Variants in ALG10B observed in about 807,000 individuals in gnomAD.
ALG10B encodes the protein dol-P-Glc:Glc(2)Man(9)GlcNAc(2)-PP-Dol alpha-1,2-glucosyltransferase B.
In ALG10B, 27 loss-of-function variants were observed where a neutral mutation model predicts 38.7. The observed-to-expected ratio is 0.70, with a 90% CI of 0.51 to 0.96. ALG10B has a LOEUF of 0.96. Among genes scored for constraint, ALG10B ranks in the 40% least tolerant of loss-of-function variants. The pLI, the probability that ALG10B is intolerant of heterozygous loss-of-function variation, is 0.00. For missense variants in ALG10B, 522 were observed against 542.7 expected, an observed-to-expected ratio of 0.96 and a Z score of 0.38; for synonymous variants, 177 against 193.3, an observed-to-expected ratio of 0.92 and a Z score of 0.70.
intron 2 of ALG10B, among the ~76,000 whole-genome samples, chr12:38,319,696 A>G (rs537616594): frequency 3.3e-5 from 5 of 152,230 alleles, no homozygotes; most frequent in Non-Finnish European, 7.3e-5. Flanking sequence ...TAAATACCAT[A>G]TGCATGTTTA....
At chr12:38,317,474 A>T (rs1177447914) in intron 1 of ALG10B, 2 of 197,008 alleles carry the variant, frequency 1.0e-5, no homozygotes, top group Non-Finnish European at 2.1e-5. Flanking sequence ...GGTGGACTGG[A>T]GGGATCTTCG....
chr12:38,326,784 T>A lies in ALG10B; in HGVS notation c.*5571T>A, dbSNP rs570742459. On this transcript the variant is annotated 3_prime_UTR_variant, in exon 3 of 3. Transcript: ENST00000308742. Reference sequence around the variant, plus strand: ...ACTTGTGTAACTGAGAAAATTATAATAAAAATAGAGATTGAGGACATATTT... The same window carrying A: ...ACTTGTGTAACTGAGAAAATTATAAAAAAAATAGAGATTGAGGACATATTT... 2.5e-3 allele frequency: 385 copies of A among 151,782 alleles called. 1 individual carries two copies. The highest frequency in any genetic ancestry group is 8.7e-3 in the African/African-American group (359 of 41,480). 9.4% of individuals were successfully genotyped at this position (151,782 alleles called of 1,614,324 possible).
chr12:38,316,961 T>C lies in ALG10B; in HGVS notation c.68T>C (p.Leu23Pro). The C allele has an allele frequency of 6.2e-7, 1 of 1,614,166 alleles. No individual in the cohort carries two copies. The highest frequency in any genetic ancestry group is 8.5e-7 in the Non-Finnish European group (1 of 1,180,026). ...LSCTFLVSCL[L>P]FSAFSRALRE... ...TGTACCTTTTTAGTGTCCTGCCTCCTCTTCTCCGCCTTCAGCCGGGCGCTG... is the reference window on the plus strand; with the variant it reads ...TGTACCTTTTTAGTGTCCTGCCTCCCCTTCTCCGCCTTCAGCCGGGCGCTG... The change falls in exon 1 of 3, where the codon CTC (leucine) becomes CCC (proline). Residue 23 changes from leucine (L) to proline (P), a missense_variant. Coordinates refer to ENST00000308742, the MANE Select transcript of ALG10B (RefSeq NM_001013620.4).
chr12:38,317,094 G>A (rs1945662713), intron 1 of ALG10B, 30 bp downstream of exon 1: 1 of 1,613,842 alleles, frequency 6.2e-7, no homozygotes, highest in African/African-American at 1.3e-5. Flanking sequence ...CCCACCCCAG[G>A]AGAGGCCTGA....
rs139511694 is a variant in ALG10B, at chr12:38,318,352, A to T, written c.263A>T (p.His88Leu). 9.3e-6 allele frequency: 15 copies of T among 1,614,166 alleles called. No individual in the cohort carries two copies. The highest frequency in any genetic ancestry group is 1.2e-5 in the Non-Finnish European group (14 of 1,180,002). Residue 88 changes from histidine to leucine, a missense_variant, in exon 2 of 3, where the codon CAT (histidine) becomes CTT (leucine). Physicochemically the swap from His to Leu is moderately conservative, Grantham distance 99. Coordinates refer to ENST00000308742, the MANE Select transcript of ALG10B (RefSeq NM_001013620.4). ...PAIWIFAWSEHVVCSIGMLRF... is the reference protein window; with the variant it reads ...PAIWIFAWSELVVCSIGMLRF... ...ATTTGGATCTTTGCATGGTCTGAACATGTTGTCTGCTCCATTGGGATGCTC... is the reference window on the plus strand; with the variant it reads ...ATTTGGATCTTTGCATGGTCTGAACTTGTTGTCTGCTCCATTGGGATGCTC...
rs1487965339 is a variant in ALG10B, at chr12:38,328,535, A to G, written c.*7322A>G. 1 of 151,392 alleles carries G rather than the reference A, an allele frequency of 6.6e-6. No homozygotes were observed. The highest frequency in any genetic ancestry group is 2.5e-5 in the African/African-American group (1 of 40,710). The allele number at this position is 151,392 out of a possible 1,614,324, so 9.4% of individuals were successfully genotyped here. A position where few individuals can be genotyped will look rare whatever the true frequency, so the allele number is the denominator to read the frequency against. ...GTGGAGATATTGTGCTACATTTCCA[A>G]GTGTTGTAGTTAAACTTTTATTAGT... is the stretch of plus-strand genomic sequence containing the variant. On this transcript the variant is annotated 3_prime_UTR_variant, in exon 3 of 3. Transcript: ENST00000308742.
rs7973952 is a variant in ALG10B, at chr12:38,327,853, G to A, written c.*6640G>A. On this transcript the variant is annotated 3_prime_UTR_variant, in exon 3 of 3. Coordinates refer to ENST00000308742, the MANE Select transcript of ALG10B (RefSeq NM_001013620.4). ...TTGTAAGATAAATGACTAAAATTAT[G>A]TGGGATATTTAATTTGGATAAGTGG... The A allele has an allele frequency of 1.1e-3, 163 of 152,306 alleles. 2 individuals carry two copies. The highest frequency in any genetic ancestry group is 3.7e-3 in the African/African-American group (154 of 41,570). 9.4% of individuals were successfully genotyped at this position (152,306 alleles called of 1,614,324 possible). A position where few individuals can be genotyped will look rare whatever the true frequency, so the allele number is the denominator to read the frequency against.
rs943558128 is a variant in ALG10B, at chr12:38,328,128, C to T, written c.*6915C>T. 1 of 152,144 alleles carries T rather than the reference C, an allele frequency of 6.6e-6. No individual in the cohort carries two copies. The highest frequency in any genetic ancestry group is 2.4e-5 in the African/African-American group (1 of 41,454). The allele number at this position is 152,144 out of a possible 1,614,324, so 9.4% of individuals were successfully genotyped here. A position where few individuals can be genotyped will look rare whatever the true frequency, so the allele number is the denominator to read the frequency against. ...GTTAGATAGCAAGTAGTTCAAATGT[C>T]TTTTAAAGGTATCTGACATCTTTAA... On this transcript the variant is annotated 3_prime_UTR_variant, in exon 3 of 3. Transcript: ENST00000308742.
Position 38,322,474 on chromosome 12 carries a change from T to A in ALG10B, c.*1261T>A, listed in dbSNP as rs1046714592. On this transcript the variant is annotated 3_prime_UTR_variant, in exon 3 of 3. Coordinates refer to ENST00000308742, the MANE Select transcript of ALG10B (RefSeq NM_001013620.4). ...ATTGTTAGGAGACTACCTTTAAAAATTTTTTATTATATATCAAATTATAGT... is the reference window on the plus strand; with the variant it reads ...ATTGTTAGGAGACTACCTTTAAAAAATTTTTATTATATATCAAATTATAGT... 4 of 152,202 alleles carry A rather than the reference T, an allele frequency of 2.6e-5. No individual in the cohort carries two copies. Among genetic ancestry groups the A allele is most frequent in the Non-Finnish European group, 4.4e-5 (3 of 68,042 alleles). The allele number at this position is 152,202 out of a possible 1,614,324, so 9.4% of individuals were successfully genotyped here. A position where few individuals can be genotyped will look rare whatever the true frequency, so the allele number is the denominator to read the frequency against.
rs773391148 is a variant in ALG10B at position 38,320,292 on chromosome 12, T to A, written c.501T>A (p.Cys167Ter). 3.7e-6 allele frequency: 6 copies of A among 1,614,118 alleles called. No individual in the cohort carries two copies. The East Asian group carries it at 1.1e-4, about 30-fold the overall frequency. ...MFFTLFAYLM[C>*]LYGNHKTSAF... ...TTACTCTTTTTGCATATTTGATGTG[T>A]CTTTATGGAAATCATAAAACTTCAG... Residue 167 changes from cysteine to a stop codon, truncating the protein, a stop_gained, in exon 3 of 3, where the codon TGT (cysteine) becomes TGA (stop). Coordinates refer to ENST00000308742, the MANE Select transcript of ALG10B (RefSeq NM_001013620.4). LOFTEE classifies it high-confidence loss of function.
At position 38,320,587 on chromosome 12, in the gene ALG10B, G is replaced by T; in HGVS notation, c.796G>T (p.Ala266Ser). 2 of 1,614,070 alleles carry T rather than the reference G, an allele frequency of 1.2e-6. No individual in the cohort carries two copies. Among genetic ancestry groups the T allele is most frequent in the Non-Finnish European group, 1.7e-6 (2 of 1,179,974 alleles). Residue 266 changes from alanine (A) to serine (S), a missense_variant, in exon 3 of 3, where the codon GCT becomes TCT. Coordinates refer to ENST00000308742, the MANE Select transcript of ALG10B (RefSeq NM_001013620.4). ...CATCCTTCTGGGATTTCTGTTTTGT[G>T]CTTTTGTAGTAGTTAATGGTGGAAT... ...PYILLGFLFCAFVVVNGGIVI... is the reference protein window; with the variant it reads ...PYILLGFLFCSFVVVNGGIVI...
At position 38,320,528 on chromosome 12, in the gene ALG10B, A is replaced by G. The variant is rs575916456; in HGVS notation, c.737A>G (p.Asn246Ser). 7.4e-6 allele frequency: 12 copies of G among 1,614,100 alleles called. No homozygotes were observed. The highest frequency in any genetic ancestry group is 5.5e-5 in the South Asian group (5 of 91,076). Reference sequence around the variant, plus strand: ...TTGGCTTATTCCATGTCCTTTAAAAACTTGAGTATGCTTTTCTGTTTGACT... The same window carrying G: ...TTGGCTTATTCCATGTCCTTTAAAAGCTTGAGTATGCTTTTCTGTTTGACT... ...FLLAYSMSFK[N>S]LSMLFCLTWP... The change falls in exon 3 of 3, where the codon AAC becomes AGC. Residue 246 changes from asparagine (N) to serine (S), a missense_variant. By Grantham distance (46) the Asn-to-Ser change is conservative. Transcript: ENST00000308742.
rs2120500525 is a variant in ALG10B, at chr12:38,321,867, T to A, written c.*654T>A. On this transcript the variant is annotated 3_prime_UTR_variant, in exon 3 of 3. Coordinates refer to ENST00000308742, the MANE Select transcript of ALG10B (RefSeq NM_001013620.4). ...GAAATGATGAAGCTCTTTCACTAAT[T>A]CCTAATATGAAATGTATGATGGCCA... The A allele has an allele frequency of 6.6e-6, 1 of 152,618 alleles. No homozygotes were observed. The highest frequency in any genetic ancestry group is 2.4e-5 in the African/African-American group (1 of 41,576). 9.5% of individuals were successfully genotyped at this position (152,618 alleles called of 1,614,324 possible).
Position 38,316,955 on chromosome 12 carries a change from G to T in ALG10B, c.62G>T (p.Cys21Phe). ...AALSCTFLVS[C>F]LLFSAFSRAL... ...TTGAGCTGTACCTTTTTAGTGTCCTGCCTCCTCTTCTCCGCCTTCAGCCGG... is the reference window on the plus strand; with the variant it reads ...TTGAGCTGTACCTTTTTAGTGTCCTTCCTCCTCTTCTCCGCCTTCAGCCGG... The change falls in exon 1 of 3, where the codon TGC (cysteine) becomes TTC (phenylalanine). Residue 21 changes from cysteine to phenylalanine, a missense_variant. Cys to Phe is a radical substitution (Grantham distance 205). Coordinates refer to ENST00000308742, the MANE Select transcript of ALG10B (RefSeq NM_001013620.4). 6.2e-7 allele frequency: 1 copy of T among 1,614,154 alleles called. No individual in the cohort carries two copies. Among genetic ancestry groups the T allele is most frequent in the Middle Eastern group, 1.7e-4 (1 of 6,058 alleles).
At position 38,320,401 on chromosome 12, in the gene ALG10B, A is replaced by AAGT. The variant is rs1320431549; in HGVS notation, c.611_613dup (p.Lys204_Leu205insTer). 1 of 1,614,106 alleles carries AAGT rather than the reference A, an allele frequency of 6.2e-7. No homozygotes were observed. The highest frequency in any genetic ancestry group is 8.5e-7 in the Non-Finnish European group (1 of 1,179,978). ...CTGTGCAGGGAATGTCATTGCACAA[A>AAGT]AGTTAACTGAGGCTTGGAAAACTGA... On this transcript the variant is annotated stop_gained and inframe_insertion, in exon 3 of 3. Coordinates refer to ENST00000308742, the MANE Select transcript of ALG10B (RefSeq NM_001013620.4). LOFTEE classifies it high-confidence loss of function.
chr12:38,319,281 A>C (rs1431345290), intron 2 of ALG10B, among the ~76,000 whole-genome samples: 1 of 152,166 alleles, frequency 6.6e-6, no homozygotes, highest in African/African-American at 2.4e-5. Context: ...GTGTAGGGTG[A>C]GGAATTAATC....
In ALG10B at chr12:38,320,636, A is replaced by G. The variant is rs149522184; in HGVS notation, c.845A>G (p.His282Arg). Reference protein sequence around the residue: ...GGIVIGDRSSHEACLHFPQLF... With the variant: ...GGIVIGDRSSREACLHFPQLF... ...ATTGTTATTGGCGATCGGAGTAGTCATGAAGCCTGTCTTCATTTTCCTCAA... is the reference window on the plus strand; with the variant it reads ...ATTGTTATTGGCGATCGGAGTAGTCGTGAAGCCTGTCTTCATTTTCCTCAA... The change falls in exon 3 of 3, where the codon CAT becomes CGT. Residue 282 changes from histidine (H) to arginine (R), a missense_variant. Transcript: ENST00000308742. The G allele has an allele frequency of 3.1e-6, 5 of 1,613,844 alleles. No individual in the cohort carries two copies. Among genetic ancestry groups the G allele is most frequent in the Non-Finnish European group, 4.2e-6 (5 of 1,179,796 alleles).
In ALG10B at chr12:38,327,987, C is replaced by A. The variant is rs1945760703; in HGVS notation, c.*6774C>A. 1.3e-5 allele frequency: 2 copies of A among 152,094 alleles called. No individual in the cohort carries two copies. The highest frequency in any genetic ancestry group is 4.2e-4 in the South Asian group (2 of 4,818). The allele number at this position is 152,094 out of a possible 1,614,324, so 9.4% of individuals were successfully genotyped here. A position where few individuals can be genotyped will look rare whatever the true frequency, so the allele number is the denominator to read the frequency against. ...AGAGGTCAACAATTAGATTGCAAAT[C>A]ATGAAAAGCATAACTTCTAATTGTT... On this transcript the variant is annotated 3_prime_UTR_variant, in exon 3 of 3. Transcript: ENST00000308742.
chr12:38,318,381 T>G lies in ALG10B; in HGVS notation c.292T>G (p.Phe98Val), dbSNP rs749220164. 94 of 1,614,094 alleles carry G rather than the reference T, an allele frequency of 5.8e-5. No individual in the cohort carries two copies. Among genetic ancestry groups the G allele is most frequent in the Non-Finnish European group, 7.7e-5 (91 of 1,180,032 alleles). The part of the protein sequence containing the change: ...HVVCSIGMLR[F>V]VNLLFSVGNF... ...TGTCTGCTCCATTGGGATGCTCAGATTTGTTAATCTTCTCTTCAGTGTTGG... is the reference window on the plus strand; with the variant it reads ...TGTCTGCTCCATTGGGATGCTCAGAGTTGTTAATCTTCTCTTCAGTGTTGG... Residue 98 changes from phenylalanine to valine, a missense_variant, in exon 2 of 3, where the codon TTT (phenylalanine) becomes GTT (valine). Physicochemically the swap from Phe to Val is conservative, Grantham distance 50. Coordinates refer to ENST00000308742, the MANE Select transcript of ALG10B (RefSeq NM_001013620.4).
Sources: allele counts gnomAD v4.1 joint callset (sites outside exome capture counted in the v4.1 genomes callset), GRCh38; gene constraint gnomAD v4.1.1; transcripts MANE v1.5; gene names NCBI Gene and HGNC (gene_info 2026-07-23, HGNC 2026-07-21).